The following PLCB1 variants were observed in gnomAD, a reference collection of about 807,000 sequenced individuals.
The protein encoded by PLCB1 is phospholipase C beta 1.
Under a neutral mutation model 161.8 loss-of-function variants are expected in PLCB1, and 46 were observed. That is an observed-to-expected ratio of 0.28 (90% CI 0.22 to 0.36). PLCB1 has a LOEUF of 0.36. PLCB1 is among the 10% of genes least tolerant of loss of function. The pLI is 1.00. For synonymous variants in PLCB1, 517 were observed against 503.7 expected (o/e 1.03, Z -0.35); for missense variants, 1,016 against 1,472.5 (o/e 0.69, Z 5.07).
chr20:8,370,178 A>G (rs1986861150), intron 2 of PLCB1, among the ~76,000 whole-genome samples: 1 of 152,154 alleles, frequency 6.6e-6, no homozygotes, highest in African/African-American at 2.4e-5. Context: ...CTTTAAGACA[A>G]CTGCTCACTG....
At chr20:8,211,537 A>G (rs764564836) in intron 2 of PLCB1, among the ~76,000 whole-genome samples, 2 of 152,116 alleles carry the variant, frequency 1.3e-5, no homozygotes, top group Non-Finnish European at 2.9e-5. Context: ...TTCTCTACAT[A>G]TAATTACATT....
intron 3 of PLCB1, among the ~76,000 whole-genome samples, chr20:8,591,355 G>T (rs1452533800): frequency 6.6e-6 from 1 of 152,070 alleles, no homozygotes; most frequent in African/African-American, 2.4e-5. Flanking sequence ...AGACAAAGTA[G>T]ATAATAAGCA....
intron 2 of PLCB1, among the ~76,000 whole-genome samples, chr20:8,172,634 G>C (rs1248022632): frequency 6.6e-6 from 1 of 152,158 alleles, no homozygotes; most frequent in Non-Finnish European, 1.5e-5. Context: ...GATGTGATTG[G>C]ACTTGTGTTT....
At chr20:8,180,151 C>T (rs2051826612) in intron 2 of PLCB1, among the ~76,000 whole-genome samples, 1 of 152,130 alleles carries the variant, frequency 6.6e-6, no homozygotes, top group Non-Finnish European at 1.5e-5. Flanking sequence ...AGCCACCGCG[C>T]CCGGCCTGTT....
chr20:8,509,729 C>CATAG (rs11468649), intron 3 of PLCB1, among the ~76,000 whole-genome samples: 3,707 of 147,954 alleles, frequency 0.025, 47 homozygotes, highest in East Asian at 0.035. Context: ...ATAGGCAGAT[C>CATAG]ATAGATAGAT....
At chr20:8,135,133 A>G (rs2051332908) in intron 1 of PLCB1, among the ~76,000 whole-genome samples, 1 of 152,184 alleles carries the variant, frequency 6.6e-6, no homozygotes, top group Non-Finnish European at 1.5e-5. Flanking sequence ...TTGAAGACAA[A>G]AAAGAACCAG....
chr20:8,633,141 CACACACAT>C (rs1285987344), intron 4 of PLCB1, among the ~76,000 whole-genome samples: 13 of 113,168 alleles, frequency 1.1e-4, no homozygotes, highest in African/African-American at 2.9e-4. Flanking sequence ...CACACACACA[CACACACAT>C]ATTATAAAGA....
chr20:8,798,850 A>G (rs947419723), intron 31 of PLCB1, among the ~76,000 whole-genome samples: 1 of 152,094 alleles, frequency 6.6e-6, no homozygotes, highest in Non-Finnish European at 1.5e-5. Flanking sequence ...AGTTGGCACA[A>G]TAAGAAGCAT....
chr20:8,625,330 G>T (rs753180840), intron 3 of PLCB1: 3 of 151,992 alleles, frequency 2.0e-5, no homozygotes, highest in Non-Finnish European at 4.4e-5. Context: ...TGTCTTTCTC[G>T]GTCTACCCCT....
At position 8,717,845 on chromosome 20, in the gene PLCB1, G is replaced by A; in HGVS notation, c.1510G>A (p.Ala504Thr). Residue 504 changes from alanine (A) to threonine (T), a missense_variant, in exon 14 of 32, where the codon GCC (alanine) becomes ACC (threonine). By Grantham distance (58) the Ala-to-Thr change is moderately conservative. Around this residue, in one of 10 missense-constraint regions of PLCB1, gnomAD observed 109 missense variants for 129.7 expected, o/e 0.84. Transcript: ENST00000338037. ...SSMFEPSSPGAGEADTESDDD... is the reference protein window; with the variant it reads ...SSMFEPSSPGTGEADTESDDD... ...CATGTTCGAGCCCTCATCCCCAGGA[G>A]CCGGTGAGGGGCTGGTGGGCTCTCC... 1.2e-6 allele frequency: 2 copies of A among 1,605,080 alleles called. No homozygotes were observed. Among genetic ancestry groups the A allele is most frequent in the Non-Finnish European group, 1.7e-6 (2 of 1,177,498 alleles).
chr20:8,312,832 C>G (rs1255092156), intron 2 of PLCB1, among the ~76,000 whole-genome samples: 1 of 149,612 alleles, frequency 6.7e-6, no homozygotes, highest in Non-Finnish European at 1.5e-5. Flanking sequence ...CATCTTTTCT[C>G]TATAGAAAAA....
chr20:8,175,102 A>G (rs1442803536), intron 2 of PLCB1, among the ~76,000 whole-genome samples: 2 of 151,990 alleles, frequency 1.3e-5, no homozygotes, highest in Non-Finnish European at 2.9e-5. Context: ...AAAAACTGCA[A>G]TTACTTTTGC....
At chr20:8,630,022 T>C (rs1263235147) in intron 4 of PLCB1, among the ~76,000 whole-genome samples, 1 of 145,286 alleles carries the variant, frequency 6.9e-6, no homozygotes, top group East Asian at 2.0e-4. Flanking sequence ...CTTTCTTCTT[T>C]CCTTTCTTTC....
rs1338995710 is a variant in PLCB1 at position 8,186,248 on chromosome 20, T to C, written c.177+35877T>C. Among the ~76,000 whole-genome samples the C allele has an allele frequency of 2.6e-5, 4 of 152,210 alleles. No individual in the cohort carries two copies. The South Asian group carries it at 8.3e-4, about 32-fold the overall frequency. On this transcript the variant is annotated intron_variant, in intron 2 of 31. Transcript: ENST00000338037. ...CTGTTATGGAATATACTCAGGGAAG[T>C]GTTTTACATCTGGAGAGATATAATT...
chr20:8,457,727 C>T (rs941195740), intron 3 of PLCB1, among the ~76,000 whole-genome samples: 1 of 151,526 alleles, frequency 6.6e-6, no homozygotes. Flanking sequence ...CACACACACA[C>T]ACACACACAC....
intron 3 of PLCB1, among the ~76,000 whole-genome samples, chr20:8,389,750 A>G (rs1171917390): frequency 6.6e-6 from 1 of 152,170 alleles, no homozygotes; most frequent in Non-Finnish European, 1.5e-5. Flanking sequence ...AGGGTTTTCA[A>G]TCATGGGTTC....
intron 3 of PLCB1, among the ~76,000 whole-genome samples, chr20:8,377,607 A>G (rs1230567904): frequency 6.6e-6 from 1 of 152,206 alleles, no homozygotes; most frequent in Admixed American, 6.5e-5. Flanking sequence ...GAACAAAGTG[A>G]CATAATCTGA....
intron 31 of PLCB1, among the ~76,000 whole-genome samples, chr20:8,858,382 A>G (rs1280889730): frequency 6.6e-6 from 1 of 152,244 alleles, no homozygotes; most frequent in Non-Finnish European, 1.5e-5. Flanking sequence ...GAATAATTTC[A>G]AAGAACATTT....
chr20:8,879,851 G>T (rs780061272), intron 31 of PLCB1, among the ~76,000 whole-genome samples: 1 of 152,122 alleles, frequency 6.6e-6, no homozygotes, highest in Non-Finnish European at 1.5e-5. Context: ...ATCAGAACAA[G>T]CCCCAGAGGC....
Sources: gnomAD v4.1 joint callset for allele counts (sites outside exome capture counted in the v4.1 genomes callset) on GRCh38, gnomAD v4.1.1 for gene constraint, gnomAD v4.1.1 regional missense constraint, MANE v1.5 for transcripts, NCBI Gene and HGNC (gene_info 2026-07-23, HGNC 2026-07-21) for gene names.